ANKRD30BL: variants seen among roughly 807,000 people sequenced by gnomAD.
ANKRD30BL encodes the protein putative ankyrin repeat domain-containing protein 30B-like.
A neutral mutation model predicts 18.4 loss-of-function variants in ANKRD30BL; 20 were observed. That is an observed-to-expected ratio of 1.09 (90% confidence interval 0.77 to 1.58). The LOEUF is 1.58. Ranked by LOEUF, ANKRD30BL falls within the 40% of genes most tolerant of loss-of-function variation. ANKRD30BL has a pLI of 0.00. For synonymous variants in ANKRD30BL, 72 were observed against 100.9 expected (o/e 0.71, Z 1.72); for missense variants, 224 against 268.6 (o/e 0.83, Z 1.16).
chr2:132,223,283 A>G (rs1679746349), intron 1 of ANKRD30BL, among the ~76,000 whole-genome samples: 1 of 152,132 alleles, frequency 6.6e-6, no homozygotes, highest in Non-Finnish European at 1.5e-5. Flanking sequence ...AAATATATTC[A>G]CATAAACACT....
chr2:132,256,395 C>T (rs1166153756), intron 1 of ANKRD30BL, among the ~76,000 whole-genome samples: 2 of 152,096 alleles, frequency 1.3e-5, no homozygotes, highest in East Asian at 3.9e-4. Context: ...CACTCCCGAC[C>T]CTTCGTGCCC....
chr2:132,249,824 T>C (rs930073881), intron 1 of ANKRD30BL, among the ~76,000 whole-genome samples: 1 of 152,186 alleles, frequency 6.6e-6, no homozygotes, highest in Non-Finnish European at 1.5e-5. Flanking sequence ...TATTTCCATT[T>C]TCACCACAGG....
At chr2:132,238,432 G>A (rs1252650579) in intron 1 of ANKRD30BL, among the ~76,000 whole-genome samples, 1 of 151,632 alleles carries the variant, frequency 6.6e-6, no homozygotes, top group Non-Finnish European at 1.5e-5. Context: ...GCCTTCTCTG[G>A]GAACGGGTAT....
At chr2:132,222,832 T>TAAAAAAAAAAAAAAAAAA (rs71001178) in intron 1 of ANKRD30BL, among the ~76,000 whole-genome samples, 1 of 52,812 alleles carries the variant, frequency 1.9e-5, no homozygotes, top group African/African-American at 5.2e-5. Flanking sequence ...GAATGATCAA[T>TAAAAAAAAAAAAAAAAAA]AAAAAAAAAA....
At chr2:132,179,162 C>G (rs1688414947) in intron 1 of ANKRD30BL, among the ~76,000 whole-genome samples, 1 of 152,074 alleles carries the variant, frequency 6.6e-6, no homozygotes, top group South Asian at 2.1e-4. Context: ...TGTGCTGATG[C>G]TGGTGAAAAC....
chr2:132,155,555 T>C (rs780535608), intron 3 of ANKRD30BL: 8 of 152,158 alleles, frequency 5.3e-5, no homozygotes, highest in African/African-American at 1.9e-4. Context: ...AAATGGTCCA[T>C]GGGGTTTATC....
At chr2:132,224,684 T>C (rs946236341) in intron 1 of ANKRD30BL, among the ~76,000 whole-genome samples, 19 of 152,126 alleles carry the variant, frequency 1.2e-4, no homozygotes, top group Admixed American at 3.9e-4. Flanking sequence ...GAAACTTCTT[T>C]TTGGTATTTG....
chr2:132,170,411 C>G (rs970981403), intron 1 of ANKRD30BL, among the ~76,000 whole-genome samples: 1 of 152,200 alleles, frequency 6.6e-6, no homozygotes, highest in Admixed American at 6.5e-5. Context: ...CGTCCTGGAA[C>G]AGAAGAGGCC....
In ANKRD30BL at chr2:132,256,373, C is replaced by A. The variant is rs560228312; in HGVS notation, n.441+1156G>T. ...TCCACCCACAGGACACAAAACCCCCCGACGGGCTCACCACTCCCGACCCTT... is the reference window on the plus strand; with the variant it reads ...TCCACCCACAGGACACAAAACCCCCAGACGGGCTCACCACTCCCGACCCTT... On this transcript the variant is annotated intron_variant and non_coding_transcript_variant, in intron 1 of 4. Coordinates refer to the ANKRD30BL transcript ENST00000470729. 1.3e-3 allele frequency among the ~76,000 whole-genome samples: 193 copies of A among 152,044 alleles called. 4 individuals carry two copies. Among genetic ancestry groups the A allele is most frequent in the African/African-American group, 4.3e-3 (179 of 41,518 alleles).
At chr2:132,183,753 G>A (rs545036776) in intron 1 of ANKRD30BL, among the ~76,000 whole-genome samples, 56 of 152,200 alleles carry the variant, frequency 3.7e-4, no homozygotes, top group African/African-American at 1.2e-3. Flanking sequence ...ATGTATATGT[G>A]TGTATATGTG....
intron 1 of ANKRD30BL, among the ~76,000 whole-genome samples, chr2:132,230,621 G>A (rs565505840): frequency 3.3e-5 from 5 of 152,242 alleles, no homozygotes; most frequent in South Asian, 2.1e-4. Flanking sequence ...CCGCATTGAG[G>A]CCTTCATTGG....
intron 1 of ANKRD30BL, among the ~76,000 whole-genome samples, chr2:132,243,748 A>G (rs1476714363): frequency 6.6e-6 from 1 of 152,114 alleles, no homozygotes; most frequent in Non-Finnish European, 1.5e-5. Context: ...CATAAAAACA[A>G]GACAGAAGCA....
intron 1 of ANKRD30BL, among the ~76,000 whole-genome samples, chr2:132,251,590 A>G (rs372270007): frequency 6.6e-6 from 1 of 152,184 alleles, no homozygotes; most frequent in Non-Finnish European, 1.5e-5. Context: ...AAAACAAGCC[A>G]CAGATAGTTT....
At chr2:132,243,519 G>C (rs904312070) in intron 1 of ANKRD30BL, among the ~76,000 whole-genome samples, 3 of 151,548 alleles carry the variant, frequency 2.0e-5, no homozygotes, top group African/African-American at 7.3e-5. Context: ...ATTTACAAGT[G>C]GATATTAACA....
At chr2:132,165,862 GA>G (rs952071495), upstream of ANKRD30BL, among the ~76,000 whole-genome samples, 1 of 145,894 alleles carries the variant, frequency 6.9e-6, no homozygotes, top group East Asian at 2.0e-4. Flanking sequence ...AGTGGTGAAA[GA>G]AAAAAAAACA....
intron 1 of ANKRD30BL, among the ~76,000 whole-genome samples, chr2:132,199,278 T>A (rs551738472): frequency 2.6e-5 from 4 of 152,128 alleles, no homozygotes; most frequent in Admixed American, 1.3e-4. Flanking sequence ...GAGAATCGCT[T>A]GAACTTGGGA....
intron 1 of ANKRD30BL, among the ~76,000 whole-genome samples, chr2:132,181,461 C>CAAA (rs151177463): frequency 6.9e-6 from 1 of 145,828 alleles, no homozygotes; most frequent in African/African-American, 2.5e-5. Flanking sequence ...GACTCTGTTT[C>CAAA]AAAAAAAAAA....
At chr2:132,216,118 CT>C (rs1256314690) in intron 1 of ANKRD30BL, among the ~76,000 whole-genome samples, 1 of 151,964 alleles carries the variant, frequency 6.6e-6, no homozygotes, top group Non-Finnish European at 1.5e-5. Context: ...TTGAAACACT[CT>C]TTTTGTAGAA....
intron 1 of ANKRD30BL, chr2:132,253,133 TG>T (rs969055043): frequency 6.6e-5 from 13 of 197,568 alleles, no homozygotes; most frequent in Non-Finnish European, 1.1e-4. Context: ...GAGGCAACCC[TG>T]GGGGATTTTG....
Sources: gnomAD v4.1 joint callset for allele counts (sites outside exome capture counted in the v4.1 genomes callset) on GRCh38, gnomAD v4.1.1 for gene constraint, MANE v1.5 for transcripts, NCBI Gene and HGNC (gene_info 2026-07-23, HGNC 2026-07-21) for gene names.